PPARGC1A: variants seen among roughly 807,000 people sequenced by gnomAD.
PPARGC1A encodes the protein peroxisome proliferator-activated receptor gamma coactivator 1-alpha.
A neutral mutation model predicts 88.7 loss-of-function variants in PPARGC1A; 25 were observed. The ratio of observed to expected loss-of-function variants is 0.28; its 90% CI spans 0.21 to 0.39. The LOEUF (loss-of-function observed/expected upper bound fraction) is 0.39. Ranked by LOEUF, PPARGC1A falls within the 10% of genes least tolerant of loss-of-function variation. The pLI is 1.00. For missense variants in PPARGC1A, 880 were observed against 968.7 expected, an observed-to-expected ratio of 0.91 and a Z score of 1.22; for synonymous variants, 363 against 355.6, an observed-to-expected ratio of 1.02 and a Z score of -0.24.
chr4:24,291,800 A>C, the PPARGC1A span, among the ~76,000 whole-genome samples: 1 of 152,210 alleles, frequency 6.6e-6, no homozygotes, highest in Non-Finnish European at 1.5e-5. Flanking sequence ...AGAAAACCAT[A>C]AGTCAGAGAT....
At chr4:24,178,715 T>C in the PPARGC1A span, among the ~76,000 whole-genome samples, 2 of 152,358 alleles carry the variant, frequency 1.3e-5, no homozygotes, top group Admixed American at 6.5e-5. Context: ...GTACTGCCAG[T>C]GCCAGCATTT....
chr4:23,875,033 T>G (rs146392964), intron 2 of PPARGC1A, among the ~76,000 whole-genome samples: 2 of 152,382 alleles, frequency 1.3e-5, no homozygotes, highest in East Asian at 3.9e-4. Flanking sequence ...TTGCTTGTAT[T>G]GTATGCAAGG....
At chr4:23,975,278 T>G in the PPARGC1A span, among the ~76,000 whole-genome samples, 1 of 152,216 alleles carries the variant, frequency 6.6e-6, no homozygotes, top group Non-Finnish European at 1.5e-5. Flanking sequence ...ATAATCCCAG[T>G]TGCCTACAGT....
the PPARGC1A span, among the ~76,000 whole-genome samples, chr4:24,223,261 T>G: frequency 6.6e-6 from 1 of 151,076 alleles, no homozygotes; most frequent in Admixed American, 6.6e-5. Flanking sequence ...TTTTTTTTTT[T>G]TTTTTTGAGA....
the PPARGC1A span, among the ~76,000 whole-genome samples, chr4:24,178,606 G>T: frequency 2.0e-5 from 3 of 152,196 alleles, no homozygotes; most frequent in African/African-American, 7.2e-5. Context: ...GAAAGAGACT[G>T]TCCGTTTCTA....
At chr4:24,169,578 G>A in the PPARGC1A span, among the ~76,000 whole-genome samples, 3 of 151,370 alleles carry the variant, frequency 2.0e-5, no homozygotes, top group Admixed American at 2.0e-4. Context: ...AAAAAAAAAA[G>A]GATAATCTCA....
chr4:23,801,933 G>A (rs769401204), intron 11 of PPARGC1A, 52 bp from the exon 12 acceptor site: 44 of 1,599,736 alleles, frequency 2.8e-5, no homozygotes, highest in Non-Finnish European at 3.6e-5. Context: ...TTAGTATATG[G>A]GACTGTAACC....
chr4:23,873,480 C>A (rs1577604339), intron 2 of PPARGC1A, among the ~76,000 whole-genome samples: 1 of 152,156 alleles, frequency 6.6e-6, no homozygotes, highest in Admixed American at 6.5e-5. Context: ...CAGTTTCTAC[C>A]ATGCCTCTGG....
chr4:23,951,294 G>C, the PPARGC1A span, among the ~76,000 whole-genome samples: 1 of 152,116 alleles, frequency 6.6e-6, no homozygotes, highest in African/African-American at 2.4e-5. Flanking sequence ...GGGTATGCCA[G>C]GCAGAGGGAA....
At chr4:23,803,225 A>G (rs1415869195) in intron 10 of PPARGC1A, among the ~76,000 whole-genome samples, 1 of 152,178 alleles carries the variant, frequency 6.6e-6, no homozygotes, top group East Asian at 1.9e-4. Flanking sequence ...AAAAAAATGT[A>G]AGATAAGGTT....
At chr4:24,033,967 C>CAGG in the PPARGC1A span, among the ~76,000 whole-genome samples, 1 of 152,190 alleles carries the variant, frequency 6.6e-6, no homozygotes, top group African/African-American at 2.4e-5. Flanking sequence ...TCAGAAGCCT[C>CAGG]AGGAATCTGA....
chr4:23,927,028 A>T, the PPARGC1A span, among the ~76,000 whole-genome samples: 1 of 152,232 alleles, frequency 6.6e-6, no homozygotes, highest in Non-Finnish European at 1.5e-5. Context: ...CAATAAATCC[A>T]TTGTAAGTCA....
upstream of PPARGC1A, among the ~76,000 whole-genome samples, chr4:23,899,788 C>G (rs528379467): frequency 4.9e-4 from 74 of 152,246 alleles, no homozygotes; most frequent in African/African-American, 1.8e-3. Context: ...GCAGGGAGAA[C>G]CACAGTCAAC....
the PPARGC1A span, among the ~76,000 whole-genome samples, chr4:24,171,166 C>G: frequency 6.6e-6 from 1 of 152,164 alleles, no homozygotes; most frequent in Admixed American, 6.5e-5. Flanking sequence ...AATCCCAGCA[C>G]TTTGGGACAC....
the PPARGC1A span, among the ~76,000 whole-genome samples, chr4:24,146,490 C>T: frequency 6.6e-6 from 1 of 152,188 alleles, no homozygotes; most frequent in Admixed American, 6.5e-5. Flanking sequence ...CATGTAACCT[C>T]AAGTATCCCT....
At chr4:24,273,160 A>G in the PPARGC1A span, among the ~76,000 whole-genome samples, 1 of 152,210 alleles carries the variant, frequency 6.6e-6, no homozygotes, top group Non-Finnish European at 1.5e-5. Context: ...AGCTTCTCCA[A>G]TAAAGACTCC....
At chr4:23,804,317 C>T (rs1323159974) in intron 10 of PPARGC1A, among the ~76,000 whole-genome samples, 8 of 152,150 alleles carry the variant, frequency 5.3e-5, no homozygotes, top group Non-Finnish European at 1.0e-4. Context: ...TTCTCTTGTT[C>T]CTCTCCACAT....
the PPARGC1A span, among the ~76,000 whole-genome samples, chr4:24,044,716 A>G: frequency 6.6e-6 from 1 of 152,176 alleles, no homozygotes; most frequent in Non-Finnish European, 1.5e-5. Flanking sequence ...GGTGACAGAG[A>G]GTTCCACCAG....
At chr4:24,129,914 C>T in the PPARGC1A span, among the ~76,000 whole-genome samples, 3 of 152,038 alleles carry the variant, frequency 2.0e-5, no homozygotes, top group Non-Finnish European at 4.4e-5. Context: ...AACCAAACAC[C>T]TCATGTTCTC....
Sources: gnomAD v4.1 joint callset for allele counts (sites outside exome capture counted in the v4.1 genomes callset) on GRCh38, gnomAD v4.1.1 for gene constraint, MANE v1.5 for transcripts, NCBI Gene and HGNC (gene_info 2026-07-23, HGNC 2026-07-21) for gene names.